FAAH2: variants seen among roughly 807,000 people sequenced by gnomAD.
The protein encoded by FAAH2 is fatty-acid amide hydrolase 2.
FAAH2 carries 60 observed loss-of-function variants against 36.9 expected under a neutral mutation model. The observed-to-expected ratio is 1.63, with a 90% CI of 1.32 to 2.02. The LOEUF (loss-of-function observed/expected upper bound fraction) is 2.02, where lower values mean the gene tolerates loss of function less well. FAAH2 is among the 30% of genes most tolerant of loss of function. The probability of loss-of-function intolerance (pLI) is 0.00; values close to 1 mark genes in which losing one functional copy is unlikely to be tolerated. For missense variants in FAAH2, 689 were observed against 397.5 expected, an observed-to-expected ratio of 1.73 and a Z score of -6.23; for synonymous variants, 214 against 143.8, an observed-to-expected ratio of 1.49 and a Z score of -3.49.
At chrX:57,189,785 C>T in the FAAH2 span, among the ~76,000 whole-genome samples, 2 of 111,515 alleles carry the variant, frequency 1.8e-5, no homozygotes, top group African/African-American at 6.5e-5. Context: ...GGCACCAGCC[C>T]GATGCCAGCC....
intron 10 of FAAH2, among the ~76,000 whole-genome samples, chrX:57,469,400 G>T (rs2057114811): frequency 9.0e-6 from 1 of 111,521 alleles, no homozygotes; most frequent in African/African-American, 3.3e-5. Context: ...AGGGATGGAG[G>T]AAGATCTACC....
intron 10 of FAAH2, among the ~76,000 whole-genome samples, chrX:57,485,480 G>A (rs917369632): frequency 1.8e-5 from 2 of 111,829 alleles, no homozygotes; most frequent in African/African-American, 6.5e-5. Flanking sequence ...TTGTACTTCA[G>A]CTGTGGTATC....
At chrX:57,261,567 A>G in the FAAH2 span, among the ~76,000 whole-genome samples, 1 of 107,759 alleles carries the variant, frequency 9.3e-6, no homozygotes, top group East Asian at 2.8e-4. Context: ...AAAAAAAAAA[A>G]AAAAAAAAGA....
At position 57,312,286 on chromosome X, in the gene FAAH2, C is replaced by T. The variant is rs141838492; in HGVS notation, c.412+1557C>T. Among the ~76,000 whole-genome samples, 443 of 112,098 alleles carry T rather than the reference C, an allele frequency of 4.0e-3. 3 individuals carry two copies. Among genetic ancestry groups the T allele is most frequent in the Non-Finnish European group, 6.4e-3 (341 of 53,209 alleles). On this transcript the variant is annotated intron_variant, in intron 3 of 10. Coordinates refer to ENST00000374900, the MANE Select transcript of FAAH2 (RefSeq NM_174912.4). ...ACCGGCCATTACTCTTATGCTTCAT[C>T]TACTGGATTGCAGCCCAAACTACAA...
At chrX:57,215,906 C>CATATATATATATATAT in the FAAH2 span, among the ~76,000 whole-genome samples, 2 of 89,533 alleles carry the variant, frequency 2.2e-5, no homozygotes, top group African/African-American at 8.0e-5. Context: ...CCATGGCACT[C>CATATATATATATATAT]ATATATATAT....
chrX:57,378,309 G>A (rs747650261), intron 5 of FAAH2, among the ~76,000 whole-genome samples: 1 of 111,632 alleles, frequency 9.0e-6, no homozygotes, highest in East Asian at 2.8e-4. Context: ...TTTTAAATCT[G>A]TATTCTAACT....
intron 7 of FAAH2, among the ~76,000 whole-genome samples, chrX:57,384,039 T>A (rs2054936369): frequency 8.9e-6 from 1 of 111,802 alleles, no homozygotes; most frequent in Non-Finnish European, 1.9e-5. Flanking sequence ...AGCTATCTGA[T>A]CTTTGACAAG....
the FAAH2 span, among the ~76,000 whole-genome samples, chrX:57,150,015 C>G: frequency 2.8e-4 from 31 of 111,628 alleles, no homozygotes; most frequent in South Asian, 0.01. Flanking sequence ...ATTTTGTTAT[C>G]TACACAGTAG....
At chrX:57,203,416 C>T in the FAAH2 span, among the ~76,000 whole-genome samples, 2 of 111,855 alleles carry the variant, frequency 1.8e-5, no homozygotes, top group Middle Eastern at 4.2e-3. Context: ...AACACACAAC[C>T]TTCAGCGTGG....
the FAAH2 span, among the ~76,000 whole-genome samples, chrX:57,242,192 C>T: frequency 9.0e-6 from 1 of 111,720 alleles, no homozygotes; most frequent in African/African-American, 3.3e-5. Context: ...TCAGCAGACA[C>T]CTTATACAAG....
At chrX:57,158,520 A>G in the FAAH2 span, among the ~76,000 whole-genome samples, 1 of 111,403 alleles carries the variant, frequency 9.0e-6, no homozygotes, top group Non-Finnish European at 1.9e-5. Flanking sequence ...TTGTTTCCTG[A>G]CTTTTTAATG....
At chrX:57,256,030 T>C in the FAAH2 span, among the ~76,000 whole-genome samples, 3 of 112,083 alleles carry the variant, frequency 2.7e-5, no homozygotes, top group Non-Finnish European at 5.6e-5. Flanking sequence ...GAAAACTCCA[T>C]TGTCTCAGCC....
chrX:57,354,282 C>A (rs771204430), intron 5 of FAAH2, among the ~76,000 whole-genome samples: 3 of 110,828 alleles, frequency 2.7e-5, no homozygotes, highest in African/African-American at 9.8e-5. Flanking sequence ...TTTGCAGCAA[C>A]ATGGATGGAA....
intron 5 of FAAH2, among the ~76,000 whole-genome samples, chrX:57,370,421 G>T (rs1429514862): frequency 9.0e-6 from 1 of 111,137 alleles, no homozygotes; most frequent in Non-Finnish European, 1.9e-5. Context: ...TCAGCAAAAG[G>T]ATATAACAAT....
the FAAH2 span, among the ~76,000 whole-genome samples, chrX:57,192,842 A>G: frequency 4.5e-5 from 5 of 111,844 alleles, no homozygotes; most frequent in Admixed American, 9.5e-5. Context: ...CACTTCCCCA[A>G]TCCATACCCT....
the FAAH2 span, among the ~76,000 whole-genome samples, chrX:57,236,205 C>T: frequency 8.9e-6 from 1 of 112,344 alleles, no homozygotes; most frequent in Admixed American, 9.4e-5. Flanking sequence ...TAGCATACCA[C>T]TGTGTATGTA....
intron 3 of FAAH2, among the ~76,000 whole-genome samples, chrX:57,312,986 C>T (rs2052737243): frequency 9.0e-6 from 1 of 111,109 alleles, no homozygotes; most frequent in Non-Finnish European, 1.9e-5. Flanking sequence ...GAATGCAAAG[C>T]ATCCAGTAAA....
intron 10 of FAAH2, 125 bp downstream of exon 10, chrX:57,448,843 G>C: frequency 1.6e-6 from 1 of 640,452 alleles, no homozygotes; most frequent in Non-Finnish European, 2.4e-6. Flanking sequence ...AGTGCTGTGT[G>C]ATTGAAAACT....
At chrX:57,248,611 G>T in the FAAH2 span, among the ~76,000 whole-genome samples, 5 of 108,332 alleles carry the variant, frequency 4.6e-5, no homozygotes, top group African/African-American at 1.7e-4. Flanking sequence ...AAATTAGCCA[G>T]GCTTGGTGGT....
Sources: gnomAD v4.1 joint callset for allele counts (sites outside exome capture counted in the v4.1 genomes callset) on GRCh38, gnomAD v4.1.1 for gene constraint, MANE v1.5 for transcripts, NCBI Gene and HGNC (gene_info 2026-07-23, HGNC 2026-07-21) for gene names.